Variants in KCNIP4 observed in about 807,000 individuals in gnomAD.
The protein encoded by KCNIP4 is potassium voltage-gated channel interacting protein 4, also known as Kv channel-interacting protein 4.
A neutral mutation model predicts 34.0 loss-of-function variants in KCNIP4; 12 were observed. The ratio of observed to expected loss-of-function variants is 0.35; its 90% CI spans 0.23 to 0.57. The LOEUF is 0.57. Ranked by LOEUF, KCNIP4 falls within the 20% of genes least tolerant of loss-of-function variation. The pLI is 0.83. For synonymous variants in KCNIP4, 124 were observed against 102.2 expected (o/e 1.21, Z -1.29); for missense variants, 238 against 311.7 (o/e 0.76, Z 1.78).
At chr4:21,313,222 C>G (rs1212535861) in intron 1 of KCNIP4, among the ~76,000 whole-genome samples, 3 of 135,934 alleles carry the variant, frequency 2.2e-5, no homozygotes, top group Non-Finnish European at 5.1e-5. Context: ...AGATTTTTAG[C>G]CCTGGTTAAT....
chr4:21,020,421 G>A (rs1446626560), intron 1 of KCNIP4, among the ~76,000 whole-genome samples: 2 of 152,024 alleles, frequency 1.3e-5, no homozygotes, highest in African/African-American at 4.8e-5. Context: ...CATCTTTAGC[G>A]ATATGCACCC....
At chr4:21,129,519 C>G (rs748908786) in intron 1 of KCNIP4, among the ~76,000 whole-genome samples, 3 of 152,204 alleles carry the variant, frequency 2.0e-5, no homozygotes, top group Non-Finnish European at 4.4e-5. Context: ...AGAACCCATG[C>G]TCTTCATCCA....
At chr4:20,892,603 C>T (rs1726046453) in intron 1 of KCNIP4, among the ~76,000 whole-genome samples, 1 of 152,138 alleles carries the variant, frequency 6.6e-6, no homozygotes, top group Non-Finnish European at 1.5e-5. Flanking sequence ...AGGCAGGGTC[C>T]TATTTAATCT....
chr4:21,413,160 G>T (rs1724653498), intron 1 of KCNIP4, among the ~76,000 whole-genome samples: 1 of 152,148 alleles, frequency 6.6e-6, no homozygotes, highest in Non-Finnish European at 1.5e-5. Context: ...TGGTTGTTAG[G>T]GGGAGGCTAT....
chr4:21,137,589 T>A (rs1751597577), intron 1 of KCNIP4, among the ~76,000 whole-genome samples: 2 of 152,166 alleles, frequency 1.3e-5, no homozygotes, highest in South Asian at 4.1e-4. Context: ...ATGTCTTAGA[T>A]CTGAGTCTGT....
In KCNIP4 at chr4:20,905,886, T is replaced by C. The variant is rs1727709239; in HGVS notation, c.62-23177A>G. ...CAGTTAAAGCTTAATTAAATTCGCA[T>C]TTTGTTCACCACCTCTTTAAAGGCT... is the stretch of plus-strand genomic sequence containing the variant. On this transcript the variant is annotated intron_variant, in intron 1 of 8. Coordinates refer to ENST00000382152, the MANE Select transcript of KCNIP4 (RefSeq NM_025221.6). 2.0e-5 allele frequency among the ~76,000 whole-genome samples: 3 copies of C among 152,092 alleles called. 1 individual carries two copies. The South Asian group carries it at 6.2e-4, about 32-fold the overall frequency.
chr4:20,882,753 G>C, intron 1 of KCNIP4, 44 bp from the exon 2 acceptor site: 1 of 1,459,420 alleles, frequency 6.9e-7, no homozygotes, highest in Non-Finnish European at 9.6e-7. Flanking sequence ...TCTGCAGAGA[G>C]AAAAGGGACG....
At chr4:21,168,366 A>G (rs1753786334) in intron 1 of KCNIP4, among the ~76,000 whole-genome samples, 2 of 152,250 alleles carry the variant, frequency 1.3e-5, no homozygotes, top group South Asian at 4.2e-4. Flanking sequence ...GCTCTATCCA[A>G]CACTTTCTGC....
At chr4:20,973,782 T>A (rs1302880711) in intron 1 of KCNIP4, among the ~76,000 whole-genome samples, 1 of 151,994 alleles carries the variant, frequency 6.6e-6, no homozygotes, top group Non-Finnish European at 1.5e-5. Context: ...GCCGGCCCTG[T>A]GGAGAGGGTG....
intron 5 of KCNIP4, among the ~76,000 whole-genome samples, chr4:20,737,248 G>A (rs1749834021): frequency 6.6e-6 from 1 of 152,106 alleles, no homozygotes; most frequent in Non-Finnish European, 1.5e-5. Context: ...TGCTAAAGAA[G>A]TGAGTCAGGA....
At chr4:21,825,923 T>C (rs34020513) in intron 1 of KCNIP4, among the ~76,000 whole-genome samples, 2,131 of 152,160 alleles carry the variant, frequency 0.014, 32 homozygotes, top group South Asian at 0.08. Flanking sequence ...CTTAGGGAGA[T>C]GACATTTAAG....
intron 1 of KCNIP4, among the ~76,000 whole-genome samples, chr4:21,538,394 G>A (rs1737400636): frequency 1.3e-5 from 2 of 152,124 alleles, no homozygotes; most frequent in South Asian, 2.1e-4. Context: ...TGAGAATATG[G>A]AACAATGGAG....
chr4:21,715,453 C>T (rs1409271887), intron 1 of KCNIP4, among the ~76,000 whole-genome samples: 1 of 151,966 alleles, frequency 6.6e-6, no homozygotes, highest in Non-Finnish European at 1.5e-5. Flanking sequence ...TTTACACAAC[C>T]AAGTTACTGA....
At chr4:21,220,017 T>C (rs368425214) in intron 1 of KCNIP4, among the ~76,000 whole-genome samples, 1 of 152,178 alleles carries the variant, frequency 6.6e-6, no homozygotes, top group African/African-American at 2.4e-5. Context: ...CAAAAGGAGA[T>C]GTTATGAAAA....
chr4:21,104,275 T>A (rs80206812), intron 1 of KCNIP4, among the ~76,000 whole-genome samples: 21,701 of 152,096 alleles, frequency 0.14, 1,762 homozygotes, highest in East Asian at 0.23. Flanking sequence ...GACATTTTAA[T>A]GATCGCCATT....
At chr4:21,612,734 C>A (rs952389477) in intron 1 of KCNIP4, among the ~76,000 whole-genome samples, 1 of 152,140 alleles carries the variant, frequency 6.6e-6, no homozygotes, top group Non-Finnish European at 1.5e-5. Flanking sequence ...TCAGCAAAAT[C>A]TTCAATAATA....
chr4:21,605,837 G>A (rs561921056), intron 1 of KCNIP4, among the ~76,000 whole-genome samples: 23 of 152,094 alleles, frequency 1.5e-4, no homozygotes, highest in Non-Finnish European at 2.8e-4. Flanking sequence ...AACAAAGATA[G>A]TTAACCATTC....
intron 1 of KCNIP4, among the ~76,000 whole-genome samples, chr4:21,342,701 T>C (rs923855895): frequency 8.5e-5 from 13 of 152,160 alleles, no homozygotes; most frequent in African/African-American, 3.1e-4. Context: ...ATTTCATATA[T>C]GAAACACCTA....
In KCNIP4 at chr4:21,201,539, C is replaced by T. The variant is rs372257169; in HGVS notation, c.62-318830G>A. Among the ~76,000 whole-genome samples, 12 of 152,306 alleles carry T rather than the reference C, an allele frequency of 7.9e-5. No individual in the cohort carries two copies. The East Asian group carries it at 2.1e-3, about 27-fold the overall frequency. ...TGAGATGGACTCTCGCTCTCTGTTG[C>T]TCAGGCTGGAGTGCAGTGGCATGAT... On this transcript the variant is annotated intron_variant, in intron 1 of 8. Transcript: ENST00000382152.
Sources: gnomAD v4.1 joint callset for allele counts (sites outside exome capture counted in the v4.1 genomes callset) on GRCh38, gnomAD v4.1.1 for gene constraint, MANE v1.5 for transcripts, NCBI Gene and HGNC (gene_info 2026-07-23, HGNC 2026-07-21) for gene names.